Variants in PUDP observed in about 807,000 individuals in gnomAD.
The protein encoded by PUDP is pseudouridine-5'-phosphatase.
In PUDP, 8 loss-of-function variants were observed where a neutral mutation model predicts 9.4. The observed-to-expected ratio is 0.85, with a 90% CI of 0.50 to 1.53. PUDP has a LOEUF of 1.53. Ranked by LOEUF, PUDP falls within the 40% of genes most tolerant of loss-of-function variation. The pLI, the probability that PUDP is intolerant of heterozygous loss-of-function variation, is 0.00. For missense variants in PUDP, 188 were observed against 189.7 expected, an observed-to-expected ratio of 0.99 and a Z score of 0.05; for synonymous variants, 99 against 80.7, an observed-to-expected ratio of 1.23 and a Z score of -1.22.
At chrX:6,920,587 A>G (rs2146763197) in intron 3 of PUDP, among the ~76,000 whole-genome samples, 1 of 111,620 alleles carries the variant, frequency 9.0e-6, no homozygotes, top group African/African-American at 3.3e-5. Flanking sequence ...TCCTTTGGAA[A>G]GGCTTATCAG....
chrX:7,051,439 G>A (rs1245567337), intron 3 of PUDP, among the ~76,000 whole-genome samples: 1 of 111,339 alleles, frequency 9.0e-6, no homozygotes, highest in Non-Finnish European at 1.9e-5. Flanking sequence ...CACACTGTTC[G>A]GTTGACGTGT....
At chrX:7,042,622 T>C (rs1394816353) in intron 1 of PUDP, among the ~76,000 whole-genome samples, 1 of 103,785 alleles carries the variant, frequency 9.6e-6, no homozygotes, top group Non-Finnish European at 2.0e-5. Context: ...TGAACATGCA[T>C]GTACAAGTTT....
At chrX:6,781,204 T>C (rs930285474) in intron 3 of PUDP, among the ~76,000 whole-genome samples, 29 of 111,047 alleles carry the variant, frequency 2.6e-4, no homozygotes, top group Non-Finnish European at 4.7e-4. Context: ...ACACCAGCAA[T>C]CACATATCAC....
At chrX:6,713,885 G>A (rs765103717) in intron 1 of PUDP, among the ~76,000 whole-genome samples, 65 of 110,556 alleles carry the variant, frequency 5.9e-4, no homozygotes, top group African/African-American at 2.0e-3. Flanking sequence ...GTCTCCAATG[G>A]TTTAGAATTA....
chrX:7,042,391 T>G (rs1929933758), intron 1 of PUDP, among the ~76,000 whole-genome samples: 1 of 111,709 alleles, frequency 9.0e-6, no homozygotes, highest in Non-Finnish European at 1.9e-5. Context: ...AGTCCTCACC[T>G]GAGATCTATC....
chrX:7,047,994 C>T (rs977906837), downstream of PUDP, among the ~76,000 whole-genome samples: 1 of 112,144 alleles, frequency 8.9e-6, no homozygotes, highest in Non-Finnish European at 1.9e-5. Context: ...ACTCCTATTC[C>T]TTAGAATGCC....
At chrX:6,857,801 C>A (rs1030702495) in intron 3 of PUDP, among the ~76,000 whole-genome samples, 30 of 111,716 alleles carry the variant, frequency 2.7e-4, no homozygotes, top group African/African-American at 9.4e-4. Flanking sequence ...TCCTACAGAA[C>A]CTTGGCTGCC....
At chrX:7,109,419 C>T (rs1931976125) in intron 1 of PUDP, among the ~76,000 whole-genome samples, 1 of 112,055 alleles carries the variant, frequency 8.9e-6, no homozygotes, top group Non-Finnish European at 1.9e-5. Context: ...GCAGGCAGGA[C>T]GATGGAGGTG....
intron 3 of PUDP, among the ~76,000 whole-genome samples, chrX:7,053,701 G>C (rs1335362198): frequency 9.0e-6 from 1 of 111,505 alleles, no homozygotes; most frequent in Non-Finnish European, 1.9e-5. Context: ...TTTATCAGCA[G>C]TGTGAAAATG....
intron 2 of PUDP, among the ~76,000 whole-genome samples, chrX:7,086,264 C>T (rs1931260228): frequency 1.8e-5 from 2 of 112,022 alleles, no homozygotes; most frequent in African/African-American, 6.5e-5. Context: ...CTGTGTTTAT[C>T]CTTGACACTA....
intron 3 of PUDP, among the ~76,000 whole-genome samples, chrX:6,731,515 C>T (rs767494104): frequency 8.9e-6 from 1 of 111,775 alleles, no homozygotes; most frequent in Admixed American, 9.5e-5. Flanking sequence ...TTCAAATACC[C>T]TTGAAAATAT....
At chrX:6,727,787 C>G (rs1222284448) in intron 3 of PUDP, among the ~76,000 whole-genome samples, 1 of 111,455 alleles carries the variant, frequency 9.0e-6, no homozygotes, top group African/African-American at 3.3e-5. Context: ...AGAGGTGGTG[C>G]AACAGCACAG....
chrX:6,744,734 C>T (rs1868509893), intron 3 of PUDP, among the ~76,000 whole-genome samples: 1 of 111,402 alleles, frequency 9.0e-6, no homozygotes, highest in African/African-American at 3.3e-5. Flanking sequence ...CGATGACCCA[C>T]TAGTCAAGAC....
chrX:7,057,982 C>T (rs761026349), intron 3 of PUDP, among the ~76,000 whole-genome samples: 2 of 111,252 alleles, frequency 1.8e-5, no homozygotes, highest in African/African-American at 6.5e-5. Context: ...TGGCTCCTCC[C>T]TGCTGCAAAT....
intron 2 of PUDP, among the ~76,000 whole-genome samples, chrX:7,101,233 G>A (rs183027377): frequency 1.5e-4 from 17 of 111,304 alleles, no homozygotes; most frequent in Admixed American, 1.0e-3. Context: ...AAGTATATGC[G>A]TGTGCACACA....
chrX:6,885,550 T>C lies in PUDP; in HGVS notation c.*247+91583A>G, dbSNP rs771032197. Among the ~76,000 whole-genome samples the C allele has an allele frequency of 4.5e-5, 5 of 112,207 alleles. No individual in the cohort carries two copies. The South Asian group carries it at 1.9e-3, about 42-fold the overall frequency. On this transcript the variant is annotated intron_variant and NMD_transcript_variant, in intron 3 of 3. Transcript: ENST00000655425. ...GGGGGATCATCCAATGGTCCCTGTTTATAACAGCACAGAAGCCAAAGCCAG... is the reference window on the plus strand; with the variant it reads ...GGGGGATCATCCAATGGTCCCTGTTCATAACAGCACAGAAGCCAAAGCCAG...
intron 3 of PUDP, among the ~76,000 whole-genome samples, chrX:6,960,808 T>C (rs1378408278): frequency 9.0e-6 from 1 of 111,112 alleles, no homozygotes; most frequent in Non-Finnish European, 1.9e-5. Context: ...GTTGGCCAGC[T>C]TTTTTTTGTG....
At chrX:6,836,741 A>T (rs1231471418) in intron 3 of PUDP, among the ~76,000 whole-genome samples, 1 of 107,541 alleles carries the variant, frequency 9.3e-6, no homozygotes, top group Non-Finnish European at 1.9e-5. Flanking sequence ...AATCACAATT[A>T]CAAAGTTCCT....
At chrX:6,731,653 T>C (rs943425484) in intron 3 of PUDP, among the ~76,000 whole-genome samples, 11 of 109,282 alleles carry the variant, frequency 1.0e-4, no homozygotes, top group East Asian at 5.7e-4. Flanking sequence ...CAGGTTCATA[T>C]AATTATATTT....
Sources: allele counts gnomAD v4.1 joint callset (sites outside exome capture counted in the v4.1 genomes callset), GRCh38; gene constraint gnomAD v4.1.1; transcripts MANE v1.5; gene names NCBI Gene and HGNC (gene_info 2026-07-23, HGNC 2026-07-21).